DGKI: variants seen among roughly 807,000 people sequenced by gnomAD.
The protein encoded by DGKI is diacylglycerol kinase iota, also known as DAG kinase iota.
In DGKI, 55 loss-of-function variants were observed where a neutral mutation model predicts 147.5. That is an observed-to-expected ratio of 0.37 (90% confidence interval 0.30 to 0.47). The LOEUF is 0.47. Ranked by LOEUF, DGKI falls within the 20% of genes least tolerant of loss-of-function variation. DGKI has a pLI of 1.00. For missense variants in DGKI, 1,007 were observed against 1,323.8 expected (o/e 0.76, Z 3.71); for synonymous variants, 469 against 477.1 (o/e 0.98, Z 0.22).
At chr7:137,561,293 T>C (rs1327918579) in intron 19 of DGKI, among the ~76,000 whole-genome samples, 2 of 152,172 alleles carry the variant, frequency 1.3e-5, no homozygotes, top group African/African-American at 4.8e-5. Flanking sequence ...GAGAACATTA[T>C]GCTAAATAAA....
intron 21 of DGKI, among the ~76,000 whole-genome samples, chr7:137,495,881 T>C (rs890326434): frequency 2.6e-5 from 4 of 152,152 alleles, no homozygotes; most frequent in African/African-American, 7.2e-5. Flanking sequence ...CTGGAAGCAT[T>C]CCCCTTAAAA....
At position 137,779,653 on chromosome 7, in the gene DGKI, G is replaced by C. The variant is rs542179962; in HGVS notation, c.401+66809C>G. 1.3e-4 allele frequency among the ~76,000 whole-genome samples: 20 copies of C among 152,108 alleles called. No homozygotes were observed. The South Asian group carries it at 4.2e-3, about 32-fold the overall frequency. On this transcript the variant is annotated intron_variant, in intron 1 of 32. Transcript: ENST00000614521. Reference sequence around the variant, plus strand: ...TAAAAATAGTCAAAAATAAAAACTTGAACAGACGTTTGACAAAAGAATTAC... The same window carrying C: ...TAAAAATAGTCAAAAATAAAAACTTCAACAGACGTTTGACAAAAGAATTAC...
At chr7:137,802,261 T>A (rs928174425) in intron 1 of DGKI, among the ~76,000 whole-genome samples, 11 of 152,094 alleles carry the variant, frequency 7.2e-5, no homozygotes, top group Non-Finnish European at 1.0e-4. Flanking sequence ...GGATGAGGGA[T>A]AAAAGACTAC....
intron 27 of DGKI, among the ~76,000 whole-genome samples, chr7:137,450,883 C>G (rs1410641581): frequency 5.9e-5 from 9 of 151,732 alleles, no homozygotes; most frequent in African/African-American, 2.2e-4. Context: ...ATTAACCCTG[C>G]TTATGAGAAT....
chr7:137,415,208 C>T (rs775445526), intron 28 of DGKI, among the ~76,000 whole-genome samples: 33 of 152,174 alleles, frequency 2.2e-4, no homozygotes, highest in Non-Finnish European at 3.4e-4. Context: ...GCCAGCCCTC[C>T]GTATCTGCAG....
rs114745372 is a variant in DGKI at position 137,492,129 on chromosome 7, G to A, written c.2249-4440C>T. The stretch of plus-strand genomic sequence containing the variant: ...ACAGTTCACTCAGTTCCCCCACATC[G>A]AAGCTTGAAGTCAATAAGCTTTATG... On this transcript the variant is annotated intron_variant, in intron 21 of 32. Transcript: ENST00000614521. Among the ~76,000 whole-genome samples the A allele has an allele frequency of 7.6e-3, 1,150 of 152,278 alleles. 14 individuals carry two copies. The highest frequency in any genetic ancestry group is 0.024 in the African/African-American group (1,008 of 41,554).
intron 1 of DGKI, among the ~76,000 whole-genome samples, chr7:137,745,530 A>G (rs1235360880): frequency 1.3e-5 from 2 of 152,216 alleles, no homozygotes; most frequent in Non-Finnish European, 2.9e-5. Context: ...CTGCTCAGGC[A>G]GTGAATCCTC....
chr7:137,472,423 A>ATATAAT (rs2128930000), intron 23 of DGKI, among the ~76,000 whole-genome samples: 1 of 12,382 alleles, frequency 8.1e-5, no homozygotes, highest in East Asian at 4.0e-3. Context: ...ATACATATAC[A>ATATAAT]TATTATATGT....
chr7:137,709,926 T>C (rs1471268450), intron 1 of DGKI, among the ~76,000 whole-genome samples: 1 of 151,848 alleles, frequency 6.6e-6, no homozygotes, highest in Admixed American at 6.6e-5. Context: ...CAATCATGAT[T>C]AAAATTAATA....
intron 1 of DGKI, chr7:137,721,839 C>T (rs1482471461): frequency 2.7e-5 from 16 of 584,282 alleles, no homozygotes; most frequent in Admixed American, 3.2e-5. Flanking sequence ...ATGGAACTGG[C>T]AATGATCTGG....
chr7:137,567,867 T>C (rs1374732906), intron 19 of DGKI, among the ~76,000 whole-genome samples: 1 of 152,226 alleles, frequency 6.6e-6, no homozygotes, highest in East Asian at 1.9e-4. Flanking sequence ...ATATATGCTA[T>C]GCATATGATG....
chr7:137,686,924 C>T (rs1480072198), intron 2 of DGKI, among the ~76,000 whole-genome samples: 11 of 152,196 alleles, frequency 7.2e-5, no homozygotes, highest in Admixed American at 7.2e-4. Context: ...AAGATCCTAA[C>T]TCCAGGTTCA....
chr7:137,456,548 G>T (rs185504056), intron 27 of DGKI, among the ~76,000 whole-genome samples: 148 of 152,234 alleles, frequency 9.7e-4, no homozygotes, highest in Admixed American at 2.9e-3. Context: ...TGCACAGTTT[G>T]GTCATCCAAG....
rs879832267 is a variant in DGKI at position 137,767,528 on chromosome 7, AAGAGTAGAGT to A, written c.402-77536_402-77527del. On this transcript the variant is annotated intron_variant, in intron 1 of 32. Transcript: ENST00000614521. ...AAGAGAAGAGAAGAGAAGAGAAGAG[AAGAGTAGAGT>A]AGGAGGAAGAGGAAGAGAAGAGAAG... is the stretch of plus-strand genomic sequence containing the variant. Among the ~76,000 whole-genome samples, 273 of 139,360 alleles carry A rather than the reference AAGAGTAGAGT, an allele frequency of 2.0e-3. 3 individuals are homozygous for A. The highest frequency in any genetic ancestry group is 7.5e-3 in the African/African-American group (268 of 35,972). 91.4% of individuals were successfully genotyped at this position (139,360 alleles called of 152,430 possible). A position where few individuals can be genotyped will look rare whatever the true frequency, so the allele number is the denominator to read the frequency against.
intron 11 of DGKI, 76 bp from the exon 12 acceptor site, chr7:137,597,983 A>G: frequency 7.4e-7 from 1 of 1,347,064 alleles, no homozygotes; most frequent in Non-Finnish European, 1.0e-6. Context: ...AGAGGACAAC[A>G]TGGGTAGGTA....
chr7:137,630,066 G>C (rs6971557), intron 6 of DGKI, among the ~76,000 whole-genome samples: 12,836 of 152,114 alleles, frequency 0.084, 1,780 homozygotes, highest in African/African-American at 0.29. Flanking sequence ...TAGTAAACAA[G>C]ATCTTTATAA....
At chr7:137,395,471 CT>C in intron 32 of DGKI, 126 bp downstream of exon 32, 3 of 803,956 alleles carry the variant, frequency 3.7e-6, no homozygotes, top group South Asian at 1.8e-5. Context: ...TTTTTTCCTC[CT>C]TTTTCCAAAG....
At chr7:137,618,865 T>G (rs1168603073) in intron 8 of DGKI, among the ~76,000 whole-genome samples, 1 of 152,216 alleles carries the variant, frequency 6.6e-6, no homozygotes, top group Non-Finnish European at 1.5e-5. Context: ...AGGGCTTCCA[T>G]AGACTATAAT....
intron 7 of DGKI, 60 bp downstream of exon 7, chr7:137,623,423 G>T: frequency 3.4e-6 from 5 of 1,477,620 alleles, no homozygotes; most frequent in South Asian, 2.3e-5. Flanking sequence ...CTCAAATAAT[G>T]ACACAAGTGT....
Sources: allele counts gnomAD v4.1 joint callset (sites outside exome capture counted in the v4.1 genomes callset), GRCh38; gene constraint gnomAD v4.1.1; transcripts MANE v1.5; gene names NCBI Gene and HGNC (gene_info 2026-07-23, HGNC 2026-07-21).